The following SOX5 variants were observed in gnomAD, a reference collection of about 807,000 sequenced individuals.
SOX5 encodes the protein SRY-box transcription factor 5.
SOX5 carries 9 observed loss-of-function variants against 92.0 expected under a neutral mutation model. The observed-to-expected ratio is 0.10, with a 90% confidence interval of 0.06 to 0.17. The LOEUF (loss-of-function observed/expected upper bound fraction) is 0.17, where lower values mean the gene tolerates loss of function less well. Among genes scored for constraint, SOX5 ranks in the 10% least tolerant of loss-of-function variants. The pLI, the probability that SOX5 is intolerant of heterozygous loss-of-function variation, is 1.00. For synonymous variants in SOX5, 344 were observed against 336.3 expected (o/e 1.02, Z -0.25); for missense variants, 642 against 944.5 (o/e 0.68, Z 4.20).
chr12:24,485,910 T>C (rs759742536), intron 1 of SOX5, among the ~76,000 whole-genome samples: 29 of 152,130 alleles, frequency 1.9e-4, no homozygotes, highest in Non-Finnish European at 3.8e-4. Context: ...ATGCAACATA[T>C]ATAAAAGATA....
intron 4 of SOX5, among the ~76,000 whole-genome samples, chr12:24,106,361 C>A (rs765213245): frequency 2.6e-5 from 4 of 152,132 alleles, no homozygotes; most frequent in African/African-American, 7.2e-5. Context: ...TGGATACTTA[C>A]AAAACATTAT....
chr12:24,407,908 G>A (rs11047424), intron 1 of SOX5, among the ~76,000 whole-genome samples: 36,676 of 152,158 alleles, frequency 0.24, 4,992 homozygotes, highest in Non-Finnish European at 0.32. Context: ...TTTTTAAAGC[G>A]TCCAATCTGT....
intron 9 of SOX5, among the ~76,000 whole-genome samples, chr12:23,586,505 T>C (rs1950769205): frequency 6.6e-6 from 1 of 152,166 alleles, no homozygotes; most frequent in Non-Finnish European, 1.5e-5. Context: ...TTGCATTTCA[T>C]TTCGTTCGGA....
intron 2 of SOX5, among the ~76,000 whole-genome samples, chr12:23,871,326 C>T (rs1425756377): frequency 6.6e-6 from 1 of 152,086 alleles, no homozygotes. Context: ...ATAACTTTAT[C>T]TTTGTTTTGG....
intron 2 of SOX5, among the ~76,000 whole-genome samples, chr12:24,287,351 C>T (rs987161174): frequency 2.6e-5 from 4 of 152,202 alleles, no homozygotes; most frequent in African/African-American, 7.2e-5. Flanking sequence ...AACTTTTTCT[C>T]GTCTTTAAAA....
At chr12:24,032,303 T>C (rs1955592904) in intron 4 of SOX5, among the ~76,000 whole-genome samples, 1 of 151,878 alleles carries the variant, frequency 6.6e-6, no homozygotes, top group Non-Finnish European at 1.5e-5. Flanking sequence ...TATGAGGTTT[T>C]ATCATACACC....
intron 4 of SOX5, among the ~76,000 whole-genome samples, chr12:23,992,077 A>C (rs995875617): frequency 6.6e-6 from 1 of 152,106 alleles, no homozygotes; most frequent in Non-Finnish European, 1.5e-5. Flanking sequence ...AGAAACCCAG[A>C]TCAGTATTGG....
At chr12:23,768,115 A>G (rs1178940895) in intron 3 of SOX5, among the ~76,000 whole-genome samples, 8 of 152,244 alleles carry the variant, frequency 5.3e-5, no homozygotes, top group Admixed American at 3.9e-4. Flanking sequence ...TATTTACAAC[A>G]GTCTAGGGGT....
At chr12:23,806,741 C>T (rs909469706) in intron 3 of SOX5, among the ~76,000 whole-genome samples, 5 of 151,332 alleles carry the variant, frequency 3.3e-5, no homozygotes, top group African/African-American at 1.2e-4. Flanking sequence ...AGAATAGAGC[C>T]ACAGTCCCAG....
At chr12:23,843,844 A>G (rs2096546118) in intron 3 of SOX5, among the ~76,000 whole-genome samples, 1 of 152,094 alleles carries the variant, frequency 6.6e-6, no homozygotes, top group South Asian at 2.1e-4. Context: ...GATTATAGGC[A>G]TGAGCCACCG....
intron 4 of SOX5, among the ~76,000 whole-genome samples, chr12:24,148,499 A>AG (rs1408695692): frequency 9.2e-5 from 13 of 141,556 alleles, no homozygotes; most frequent in Non-Finnish European, 1.7e-4. Flanking sequence ...AAAAAAAAAA[A>AG]AAAAAGAGAG....
chr12:24,434,719 C>T (rs2137093951), intron 1 of SOX5, among the ~76,000 whole-genome samples: 1 of 152,270 alleles, frequency 6.6e-6, no homozygotes, highest in African/African-American at 2.4e-5. Flanking sequence ...CTCTCCCTTC[C>T]TTCTGCTCCA....
At chr12:23,766,143 G>C (rs555546744) in intron 3 of SOX5, among the ~76,000 whole-genome samples, 1 of 152,220 alleles carries the variant, frequency 6.6e-6, no homozygotes, top group East Asian at 1.9e-4. Context: ...TTCCCATAAA[G>C]TAAAAGTTCT....
At chr12:24,305,091 C>T (rs530247634) in intron 2 of SOX5, among the ~76,000 whole-genome samples, 5 of 152,236 alleles carry the variant, frequency 3.3e-5, no homozygotes, top group South Asian at 2.1e-4. Flanking sequence ...ATTTTTCCAC[C>T]AGGCTGGTAG....
At chr12:23,547,966 T>C (rs1943459913) in intron 11 of SOX5, among the ~76,000 whole-genome samples, 1 of 152,078 alleles carries the variant, frequency 6.6e-6, no homozygotes, top group Non-Finnish European at 1.5e-5. Flanking sequence ...TTAACAGACT[T>C]TCTTTACAGT....
At chr12:24,011,743 A>G (rs1423802958) in intron 4 of SOX5, among the ~76,000 whole-genome samples, 6 of 152,126 alleles carry the variant, frequency 3.9e-5, no homozygotes, top group Non-Finnish European at 7.4e-5. Context: ...ATAGTAAAGT[A>G]ATGTATCTGA....
chr12:24,317,580 C>T lies in SOX5; in HGVS notation c.-173-40268G>A, dbSNP rs1291065850. ...TACTGAGGCATTCTTTCCACTGTTGCTGGGACTTCACCACTTCCAAAATCT... is the reference window on the plus strand; with the variant it reads ...TACTGAGGCATTCTTTCCACTGTTGTTGGGACTTCACCACTTCCAAAATCT... On this transcript the variant is annotated intron_variant, in intron 2 of 4. Transcript: ENST00000446891. 2.2e-4 allele frequency among the ~76,000 whole-genome samples: 34 copies of T among 152,200 alleles called. 1 individual carries two copies. Among genetic ancestry groups the T allele is most frequent in the Admixed American group, 2.0e-3 (31 of 15,286 alleles).
At chr12:24,267,979 T>C (rs534491228) in intron 3 of SOX5, among the ~76,000 whole-genome samples, 19 of 152,304 alleles carry the variant, frequency 1.2e-4, no homozygotes, top group African/African-American at 4.6e-4. Context: ...AAGACCATTA[T>C]ATTCGTCCAG....
intron 2 of SOX5, among the ~76,000 whole-genome samples, chr12:24,291,510 G>A (rs1946617641): frequency 6.6e-6 from 1 of 152,158 alleles, no homozygotes; most frequent in Non-Finnish European, 1.5e-5. Context: ...TATTGCTGTA[G>A]AATAGAAATG....
Sources: allele counts gnomAD v4.1 joint callset (sites outside exome capture counted in the v4.1 genomes callset), GRCh38; gene constraint gnomAD v4.1.1; transcripts MANE v1.5; gene names NCBI Gene and HGNC (gene_info 2026-07-23, HGNC 2026-07-21).